TCERG1L: variants seen among roughly 807,000 people sequenced by gnomAD.
TCERG1L encodes the protein transcription elongation regulator 1 like, also known as transcription elongation regulator 1-like protein.
TCERG1L carries 37 observed loss-of-function variants against 56.3 expected under a neutral mutation model. That is an observed-to-expected ratio of 0.66 (90% CI 0.51 to 0.87). The LOEUF is 0.87. TCERG1L is among the 40% of genes least tolerant of loss of function. The pLI is 0.00. For synonymous variants in TCERG1L, 324 were observed against 326.3 expected, an observed-to-expected ratio of 0.99 and a Z score of 0.08; for missense variants, 799 against 774.2, an observed-to-expected ratio of 1.03 and a Z score of -0.38.
chr10:131,118,831 T>C lies in TCERG1L; in HGVS notation c.1260-1897A>G, dbSNP rs1466894833. ...AGTTCTGGTTTTGACGATAGCACCA[T>C]GTTCTCCACTGGGGATGATTTTGCC... On this transcript the variant is annotated intron_variant, in intron 8 of 11. Transcript: ENST00000368642. This position sits in a 1 kb window ranked among gnomAD's most constrained non-coding sequence, Gnocchi z 4.2. Among the ~76,000 whole-genome samples the C allele has an allele frequency of 6.6e-6, 1 of 152,200 alleles. No homozygotes were observed. Among genetic ancestry groups the C allele is most frequent in the South Asian group, 2.1e-4 (1 of 4,826 alleles).
chr10:131,223,388 T>C (rs1467404790), intron 4 of TCERG1L, among the ~76,000 whole-genome samples: 4 of 152,226 alleles, frequency 2.6e-5, no homozygotes, highest in Non-Finnish European at 5.9e-5. Flanking sequence ...GGGCTCCTTT[T>C]GGTTGCCAAA....
rs534095796 is a variant in TCERG1L, at chr10:131,112,671, G to T, written c.1395+4128C>A. Among the ~76,000 whole-genome samples, 8 of 142,114 alleles carry T rather than the reference G, an allele frequency of 5.6e-5. No homozygotes were observed. The East Asian group carries it at 1.4e-3, about 25-fold the overall frequency. 93.2% of individuals were successfully genotyped at this position (142,114 alleles called of 152,430 possible). A position where few individuals can be genotyped will look rare whatever the true frequency, so the allele number is the denominator to read the frequency against. ...CTTCCACCTCATCCTTGAAGATGAGGCCATTGCCTTACGCTCAGATCCCTA... is the reference window on the plus strand; with the variant it reads ...CTTCCACCTCATCCTTGAAGATGAGTCCATTGCCTTACGCTCAGATCCCTA... On this transcript the variant is annotated intron_variant, in intron 9 of 11. Transcript: ENST00000368642.
intron 3 of TCERG1L, among the ~76,000 whole-genome samples, chr10:131,304,859 C>T (rs1589778872): frequency 2.0e-5 from 3 of 151,954 alleles, no homozygotes; most frequent in African/African-American, 7.3e-5. Flanking sequence ...CCCAACAGTC[C>T]GTGAGGATCC....
chr10:131,212,220 C>T (rs1471235770), intron 4 of TCERG1L, among the ~76,000 whole-genome samples: 1 of 152,160 alleles, frequency 6.6e-6, no homozygotes, highest in Non-Finnish European at 1.5e-5. Context: ...GACTCAGACC[C>T]AGGGCAAGAC....
At chr10:131,163,358 G>T in intron 5 of TCERG1L, 148 bp from the exon 6 acceptor site, 1 of 622,944 alleles carries the variant, frequency 1.6e-6, no homozygotes, top group Non-Finnish European at 2.7e-6. Context: ...GCAGCGCCTG[G>T]CTGGGAGGTT....
intron 8 of TCERG1L, among the ~76,000 whole-genome samples, chr10:131,127,703 G>A (rs549851551): frequency 6.6e-6 from 1 of 152,208 alleles, no homozygotes; most frequent in African/African-American, 2.4e-5. Flanking sequence ...ACTCTAGGAG[G>A]GAGTCCCGGA....
Position 131,118,550 on chromosome 10 carries a change from G to A in TCERG1L, c.1260-1616C>T, listed in dbSNP as rs12778933. Among the ~76,000 whole-genome samples the A allele has an allele frequency of 1.3e-5, 2 of 151,816 alleles. No individual in the cohort carries two copies. Among genetic ancestry groups the A allele is most frequent in the Admixed American group, 6.6e-5 (1 of 15,254 alleles). On this transcript the variant is annotated intron_variant, in intron 8 of 11. Transcript: ENST00000368642. The surrounding 1 kb of genome is among the most constrained non-coding windows in gnomAD (Gnocchi z 4.2). Reference sequence around the variant, plus strand: ...CTACCCTTCCCTTAATCTGCTCACCGGGACACCTTACCAGATTTCTCATCC... The same window carrying A: ...CTACCCTTCCCTTAATCTGCTCACCAGGACACCTTACCAGATTTCTCATCC...
chr10:131,218,359 G>T (rs751798985), intron 4 of TCERG1L, among the ~76,000 whole-genome samples: 1 of 152,218 alleles, frequency 6.6e-6, no homozygotes, highest in Non-Finnish European at 1.5e-5. Flanking sequence ...CCTATCAGTT[G>T]TCCATCTCCC....
intron 9 of TCERG1L, among the ~76,000 whole-genome samples, chr10:131,115,216 A>G (rs553099452): frequency 6.6e-6 from 1 of 152,348 alleles, no homozygotes; most frequent in Non-Finnish European, 1.5e-5. Context: ...ATCCACCAGG[A>G]TAAAGAAGAG....
At chr10:131,188,422 T>C (rs564881288) in intron 4 of TCERG1L, among the ~76,000 whole-genome samples, 98 of 152,340 alleles carry the variant, frequency 6.4e-4, no homozygotes, top group African/African-American at 2.1e-3. Context: ...TGGAACTGTA[T>C]AGACCACAGT....
intron 9 of TCERG1L, among the ~76,000 whole-genome samples, chr10:131,106,460 C>T (rs1227069493): frequency 6.6e-6 from 1 of 152,184 alleles, no homozygotes; most frequent in African/African-American, 2.4e-5. Context: ...CCAGGACCAG[C>T]TGGTGGTGGG....
At chr10:131,105,862 T>C (rs1845347674) in intron 9 of TCERG1L, among the ~76,000 whole-genome samples, 1 of 152,254 alleles carries the variant, frequency 6.6e-6, no homozygotes, top group African/African-American at 2.4e-5. Flanking sequence ...TCTTTGAGGT[T>C]GGCCTTGGCG....
Position 131,262,855 on chromosome 10 carries a change from C to T in TCERG1L, c.671-2411G>A, listed in dbSNP as rs200351458. On this transcript the variant is annotated intron_variant, in intron 3 of 11. Coordinates refer to ENST00000368642, the MANE Select transcript of TCERG1L (RefSeq NM_174937.4). ...CTCCCTCCCCCTAGCCCCTGGCAGCCGCTGATCTTTCTATGGCCTCTCTAG... is the reference window on the plus strand; with the variant it reads ...CTCCCTCCCCCTAGCCCCTGGCAGCTGCTGATCTTTCTATGGCCTCTCTAG... Among the ~76,000 whole-genome samples, 6 of 152,122 alleles carry T rather than the reference C, an allele frequency of 3.9e-5. No homozygotes were observed. In the East Asian group the frequency reaches 5.8e-4, roughly 15 times the overall value.
In TCERG1L at chr10:131,093,068, G is replaced by A. The variant is rs150006222; in HGVS notation, c.*94C>T. 2.1e-5 allele frequency: 30 copies of A among 1,428,878 alleles called. No individual in the cohort carries two copies. The highest frequency in any genetic ancestry group is 5.7e-5 in the African/African-American group (4 of 69,942). The allele number at this position is 1,428,878 out of a possible 1,614,324, so 88.5% of individuals were successfully genotyped here. On this transcript the variant is annotated 3_prime_UTR_variant, in exon 12 of 12. Transcript: ENST00000368642. ...GTGCCCGCTGGGCCGTGCAGGTCTCGGCCGCCCCACGCCCGTGTCCGTCTC... is the reference window on the plus strand; with the variant it reads ...GTGCCCGCTGGGCCGTGCAGGTCTCAGCCGCCCCACGCCCGTGTCCGTCTC...
chr10:131,104,716 CAA>C (rs1217691190), intron 9 of TCERG1L, among the ~76,000 whole-genome samples: 1 of 152,186 alleles, frequency 6.6e-6, no homozygotes, highest in African/African-American at 2.4e-5. Context: ...CAGACCATAA[CAA>C]AGAGTAATGT....
chr10:131,200,155 C>T (rs1845416095), intron 4 of TCERG1L, among the ~76,000 whole-genome samples: 1 of 152,230 alleles, frequency 6.6e-6, no homozygotes, highest in Non-Finnish European at 1.5e-5. Flanking sequence ...GCCTCTGCCC[C>T]ATTCCTGGTT....
intron 4 of TCERG1L, among the ~76,000 whole-genome samples, chr10:131,237,729 C>T (rs1217831693): frequency 2.0e-5 from 3 of 152,244 alleles, no homozygotes; most frequent in South Asian, 4.1e-4. Context: ...CAGGCATCGG[C>T]GGGGTGGAAA....
chr10:131,170,253 G>A (rs1846075518), intron 4 of TCERG1L, among the ~76,000 whole-genome samples: 1 of 152,012 alleles, frequency 6.6e-6, no homozygotes, highest in African/African-American at 2.4e-5. Context: ...CTCTCCGGGG[G>A]CCACTTCCAG....
At position 131,120,186 on chromosome 10, in the gene TCERG1L, C is replaced by T. The variant is rs191639106; in HGVS notation, c.1260-3252G>A. Among the ~76,000 whole-genome samples the T allele has an allele frequency of 3.1e-3, 478 of 152,058 alleles. 2 individuals are homozygous for T. The highest frequency in any genetic ancestry group is 0.01 in the African/African-American group (434 of 41,470). On this transcript the variant is annotated intron_variant, in intron 8 of 11. Coordinates refer to ENST00000368642, the MANE Select transcript of TCERG1L (RefSeq NM_174937.4). ...GTGTGTGTGTGAGCTTGTGTGTGTG[C>T]GCATGCGTGCATCTGTCCCATGCTG...
Sources: allele counts gnomAD v4.1 joint callset (sites outside exome capture counted in the v4.1 genomes callset), GRCh38; gene constraint gnomAD v4.1.1; non-coding constraint Gnocchi (gnomAD v3.1); transcripts MANE v1.5; gene names NCBI Gene and HGNC (gene_info 2026-07-23, HGNC 2026-07-21).